Variants in ESRRB observed in about 807,000 individuals in gnomAD.
ESRRB encodes estrogen related receptor beta, also known as steroid hormone receptor ERR2.
A neutral mutation model predicts 46.0 loss-of-function variants in ESRRB; 16 were observed. That is an observed-to-expected ratio of 0.35 (90% confidence interval 0.24 to 0.53). The LOEUF (loss-of-function observed/expected upper bound fraction) is 0.53, where lower values mean the gene tolerates loss of function less well. Among genes scored for constraint, ESRRB ranks in the 20% least tolerant of loss-of-function variants. The pLI is 0.93. For synonymous variants in ESRRB, 246 were observed against 259.6 expected (o/e 0.95, Z 0.50); for missense variants, 488 against 607.4 (o/e 0.80, Z 2.07).
intron 1 of ESRRB, among the ~76,000 whole-genome samples, chr14:76,312,651 A>G (rs1351401133): frequency 2.6e-5 from 4 of 151,852 alleles, no homozygotes; most frequent in Non-Finnish European, 5.9e-5. Context: ...TACATATAGC[A>G]TTATTATTCT....
chr14:76,444,207 A>AT (rs1290280913), intron 2 of ESRRB, among the ~76,000 whole-genome samples: 1 of 151,908 alleles, frequency 6.6e-6, no homozygotes, highest in African/African-American at 2.4e-5. Context: ...TAATTTTTGT[A>AT]TTTTTAGTAG....
rs555365646 is a variant in ESRRB at position 76,336,641 on chromosome 14, A to T, written c.2+25725A>T. ...CCAGCAGTCTGCACTTCTCCCCAGG[A>T]TCCCCAGGGCAAAAGCAGGAGTGAG... On this transcript the variant is annotated intron_variant, in intron 1 of 6. Coordinates refer to the ESRRB transcript ENST00000512784. Among the ~76,000 whole-genome samples, 5 of 152,232 alleles carry T rather than the reference A, an allele frequency of 3.3e-5. No individual in the cohort carries two copies. In the East Asian group the frequency reaches 9.7e-4, roughly 30 times the overall value.
At chr14:76,463,445 G>GTTTTTTTTGTTTTGTTTTTTTTTTT in intron 3 of ESRRB, 1 of 114,708 alleles carries the variant, frequency 8.7e-6, no homozygotes, top group African/African-American at 3.7e-5. Context: ...ATGCTTCTTT[G>GTTTTTTTTGTTTTGTTTTTTTTTTT]TTTTTTTTTT....
At chr14:76,319,360 T>C (rs369284143) in intron 1 of ESRRB, among the ~76,000 whole-genome samples, 31 of 152,288 alleles carry the variant, frequency 2.0e-4, no homozygotes, top group African/African-American at 7.5e-4. Context: ...CATTTGTATA[T>C]TTCAAGGGAC....
At chr14:76,353,721 G>A (rs1884341412) in intron 1 of ESRRB, among the ~76,000 whole-genome samples, 1 of 152,122 alleles carries the variant, frequency 6.6e-6, no homozygotes, top group Non-Finnish European at 1.5e-5. Flanking sequence ...GGAGGCCAAG[G>A]CAGGAGGATC....
chr14:76,390,805 A>G (rs970332464), intron 1 of ESRRB, among the ~76,000 whole-genome samples: 7 of 152,242 alleles, frequency 4.6e-5, no homozygotes, highest in South Asian at 2.1e-4. Flanking sequence ...GGTATGCTGA[A>G]GCCTCCAGGC....
chr14:76,373,412 G>A (rs372373578), upstream of ESRRB, among the ~76,000 whole-genome samples: 2 of 152,152 alleles, frequency 1.3e-5, no homozygotes, highest in African/African-American at 4.8e-5. Context: ...GTCAGGACCC[G>A]ATCCCAGAGT....
chr14:76,329,852 G>C (rs1041545275), intron 1 of ESRRB, among the ~76,000 whole-genome samples: 1 of 152,114 alleles, frequency 6.6e-6, no homozygotes, highest in Admixed American at 6.5e-5. Flanking sequence ...CGAGGGAGCC[G>C]AGCAGCGGCT....
intron 2 of ESRRB, among the ~76,000 whole-genome samples, chr14:76,458,425 GACACACACACACACACACACACACAC>G (rs58562150): frequency 2.2e-5 from 3 of 134,858 alleles, no homozygotes; most frequent in Non-Finnish European, 4.9e-5. Flanking sequence ...CTCTCTCTCT[GACACACACACACACACACACACACAC>G]ACACACACAC....
intron 1 of ESRRB, among the ~76,000 whole-genome samples, chr14:76,413,075 C>T (rs568275523): frequency 2.6e-5 from 4 of 152,296 alleles, no homozygotes; most frequent in African/African-American, 9.6e-5. Context: ...CCTTGGGTTT[C>T]TTTGATGAGG....
intron 3 of ESRRB, among the ~76,000 whole-genome samples, chr14:76,471,613 C>T (rs1889376651): frequency 6.6e-6 from 1 of 152,184 alleles, no homozygotes; most frequent in Non-Finnish European, 1.5e-5. Flanking sequence ...GCCTGGAATC[C>T]TCTCCCCAAA....
intron 3 of ESRRB, chr14:76,463,445 G>GTTTTGTTTT (rs1555342250): frequency 1.0e-4 from 12 of 114,706 alleles, no homozygotes; most frequent in African/African-American, 4.0e-4. Flanking sequence ...ATGCTTCTTT[G>GTTTTGTTTT]TTTTTTTTTT....
intron 5 of ESRRB, among the ~76,000 whole-genome samples, chr14:76,483,185 C>CTTGGGAAGAGCATGGG (rs1889876518): frequency 6.6e-6 from 1 of 151,970 alleles, no homozygotes; most frequent in African/African-American, 2.4e-5. Flanking sequence ...AAGAGCATGG[C>CTTGGGAAGAGCATGGG]CTTGGGAATC....
chr14:76,419,083 C>T (rs917879545), intron 1 of ESRRB, among the ~76,000 whole-genome samples: 4 of 151,864 alleles, frequency 2.6e-5, no homozygotes, highest in South Asian at 2.1e-4. Context: ...GGCACGATCT[C>T]GGCTCACTAC....
intron 1 of ESRRB, among the ~76,000 whole-genome samples, chr14:76,434,531 G>A (rs1388262687): frequency 2.0e-5 from 3 of 151,704 alleles, no homozygotes; most frequent in Non-Finnish European, 2.9e-5. Flanking sequence ...GTGGAGTCAC[G>A]CGCCTGTAAT....
In ESRRB at chr14:76,491,691, C is replaced by G. The variant is rs1405488049; in HGVS notation, c.1095C>G (p.Leu365=). 1.9e-6 allele frequency: 3 copies of G among 1,584,452 alleles called. No homozygotes were observed. The highest frequency in any genetic ancestry group is 1.7e-6 in the Non-Finnish European group (2 of 1,167,312). The change falls in exon 6 of 7, where the codon CTC becomes CTG. Residue 365 remains leucine (L), a synonymous_variant. Transcript: ENST00000644823. ...LKVEKEEFVT[L]KALALANSDS... ...TGGAGAAGGAGGAGTTTGTGACGCT[C>G]AAGGCCCTGGCCCTCGCCAACTCCG...
Position 76,321,072 on chromosome 14 carries a change from T to G in ESRRB, c.2+10156T>G, listed in dbSNP as rs74687078. On this transcript the variant is annotated intron_variant, in intron 1 of 6. Coordinates refer to the ESRRB transcript ENST00000512784. ...TTATTTTTTACTAAATGGCCTCGAT[T>G]TTATCATTAATTGCTGTGCGACAAT... Among the ~76,000 whole-genome samples the G allele has an allele frequency of 3.4e-4, 52 of 152,324 alleles. 1 individual carries two copies. The East Asian group carries it at 0.01, about 29-fold the overall frequency.
chr14:76,358,396 AAAG>A (rs1884421681), intron 1 of ESRRB, among the ~76,000 whole-genome samples: 1 of 136,034 alleles, frequency 7.4e-6, no homozygotes, highest in Non-Finnish European at 1.6e-5. Flanking sequence ...AGAAAGAAAG[AAAG>A]AAAGAAAGAA....
chr14:76,320,217 ACT>A (rs1195779153), intron 1 of ESRRB, among the ~76,000 whole-genome samples: 1 of 152,154 alleles, frequency 6.6e-6, no homozygotes, highest in Non-Finnish European at 1.5e-5. Context: ...GAAATATGAC[ACT>A]CTACTGATGC....
Sources: gnomAD v4.1 joint callset for allele counts (sites outside exome capture counted in the v4.1 genomes callset) on GRCh38, gnomAD v4.1.1 for gene constraint, MANE v1.5 for transcripts, NCBI Gene and HGNC (gene_info 2026-07-23, HGNC 2026-07-21) for gene names.